Variants in TNR observed in about 807,000 individuals in gnomAD.
TNR encodes tenascin-R.
A neutral mutation model predicts 150.4 loss-of-function variants in TNR; 45 were observed. The ratio of observed to expected loss-of-function variants is 0.30; its 90% confidence interval spans 0.24 to 0.38. TNR has a LOEUF of 0.38. TNR is among the 10% of genes least tolerant of loss of function. The pLI, the probability that TNR is intolerant of heterozygous loss-of-function variation, is 1.00. For synonymous variants in TNR, 687 were observed against 678.4 expected, an observed-to-expected ratio of 1.01 and a Z score of -0.20; for missense variants, 1,544 against 1,759.1, an observed-to-expected ratio of 0.88 and a Z score of 2.19.
At chr1:175,454,883 A>T (rs859454) in intron 2 of TNR, among the ~76,000 whole-genome samples, 104,218 of 152,000 alleles carry the variant, frequency 0.69, 36,973 homozygotes, top group African/African-American at 0.87. Context: ...TATGGCTACA[A>T]GTTCTTTTCT....
At chr1:175,508,861 A>G (rs1016962276) in intron 2 of TNR, among the ~76,000 whole-genome samples, 1 of 152,204 alleles carries the variant, frequency 6.6e-6, no homozygotes, top group African/African-American at 2.4e-5. Flanking sequence ...TCAACAATAG[A>G]CAATTAATAC....
intron 2 of TNR, among the ~76,000 whole-genome samples, chr1:175,517,003 T>C (rs1257214927): frequency 2.9e-5 from 4 of 137,066 alleles, no homozygotes; most frequent in African/African-American, 1.1e-4. Context: ...AATTAGTACA[T>C]CTGAAAGCTG....
intron 1 of TNR, among the ~76,000 whole-genome samples, chr1:175,712,504 A>G (rs1667045253): frequency 6.6e-6 from 1 of 152,194 alleles, no homozygotes; most frequent in African/African-American, 2.4e-5. Context: ...ACTAGGTAGC[A>G]GGACAAGGCT....
chr1:175,680,078 A>C (rs1665983271), intron 1 of TNR, among the ~76,000 whole-genome samples: 1 of 152,194 alleles, frequency 6.6e-6, no homozygotes, highest in Admixed American at 6.5e-5. Flanking sequence ...TGAAGCCAAC[A>C]ACCACCCAGC....
intron 2 of TNR, among the ~76,000 whole-genome samples, chr1:175,434,146 T>G (rs977253603): frequency 1.3e-5 from 2 of 152,194 alleles, no homozygotes; most frequent in Non-Finnish European, 2.9e-5. Flanking sequence ...TTCGTCCACA[T>G]GCTGGTTTCC....
chr1:175,689,543 T>A (rs560359455), intron 1 of TNR, among the ~76,000 whole-genome samples: 7 of 152,252 alleles, frequency 4.6e-5, no homozygotes, highest in African/African-American at 1.4e-4. Context: ...ATGCGTGTCT[T>A]CCTGGGGTGA....
At chr1:175,622,731 A>G (rs755944647) in intron 1 of TNR, among the ~76,000 whole-genome samples, 5 of 152,240 alleles carry the variant, frequency 3.3e-5, no homozygotes, top group Non-Finnish European at 5.9e-5. Context: ...TCTGATAGTT[A>G]TGGAAGCTAA....
chr1:175,493,841 A>C (rs1571518529), intron 2 of TNR, among the ~76,000 whole-genome samples: 1 of 151,744 alleles, frequency 6.6e-6, no homozygotes, highest in Admixed American at 6.6e-5. Context: ...CACCGACTTG[A>C]AAAAAACGCC....
intron 1 of TNR, among the ~76,000 whole-genome samples, chr1:175,694,574 A>G (rs1666456876): frequency 2.6e-5 from 4 of 152,228 alleles, no homozygotes; most frequent in Admixed American, 2.6e-4. Context: ...GTAACAATAA[A>G]TACCAAAATC....
At chr1:175,730,985 T>C (rs776844208) in intron 1 of TNR, among the ~76,000 whole-genome samples, 15 of 152,198 alleles carry the variant, frequency 9.9e-5, no homozygotes, top group Non-Finnish European at 2.1e-4. Context: ...GCTATTTGAC[T>C]TAAAGGAAGC....
At chr1:175,481,163 G>A (rs75040733) in intron 2 of TNR, among the ~76,000 whole-genome samples, 2,391 of 152,226 alleles carry the variant, frequency 0.016, 27 homozygotes, top group Non-Finnish European at 0.023. Flanking sequence ...ATTCATCCTT[G>A]CACCCTGTGA....
At chr1:175,699,687 G>A (rs900269805) in intron 1 of TNR, among the ~76,000 whole-genome samples, 3 of 152,116 alleles carry the variant, frequency 2.0e-5, no homozygotes, top group Admixed American at 6.5e-5. Flanking sequence ...CTGGGTAGAC[G>A]GAAGGTGGTG....
intron 1 of TNR, among the ~76,000 whole-genome samples, chr1:175,702,875 A>C (rs1666735845): frequency 6.6e-6 from 1 of 152,230 alleles, no homozygotes; most frequent in Admixed American, 6.5e-5. Flanking sequence ...AATCCTTTGG[A>C]TCTGCCTCCA....
intron 1 of TNR, among the ~76,000 whole-genome samples, chr1:175,593,045 T>C (rs550612113): frequency 6.6e-5 from 10 of 152,286 alleles, no homozygotes; most frequent in African/African-American, 2.4e-4. Flanking sequence ...CCATTGCATC[T>C]CTGACTGGGG....
chr1:175,635,259 T>A (rs191437322), intron 1 of TNR, among the ~76,000 whole-genome samples: 8 of 152,366 alleles, frequency 5.3e-5, no homozygotes, highest in Non-Finnish European at 1.2e-4. Flanking sequence ...TTTGAGCAGC[T>A]GGAGCAGCTC....
chr1:175,374,561 G>A (rs1051752687), intron 9 of TNR, among the ~76,000 whole-genome samples: 2 of 152,176 alleles, frequency 1.3e-5, no homozygotes, highest in African/African-American at 4.8e-5. Context: ...TGTGCATGTG[G>A]TGAGTGTGAG....
At chr1:175,597,580 C>G (rs1663058043) in intron 1 of TNR, among the ~76,000 whole-genome samples, 1 of 152,178 alleles carries the variant, frequency 6.6e-6, no homozygotes, top group South Asian at 2.1e-4. Flanking sequence ...TTTTCAGAGG[C>G]CTTCCTTTAC....
At chr1:175,656,326 C>T (rs1049150801) in intron 1 of TNR, among the ~76,000 whole-genome samples, 65 of 152,276 alleles carry the variant, frequency 4.3e-4, no homozygotes, top group African/African-American at 1.5e-3. Flanking sequence ...GCAGGAGAAC[C>T]TCTGCCAGCT....
intron 4 of TNR, among the ~76,000 whole-genome samples, chr1:175,397,269 G>A (rs1435402438): frequency 2.0e-5 from 3 of 152,094 alleles, no homozygotes; most frequent in Admixed American, 1.3e-4. Context: ...TTCTATGATT[G>A]TACTCTACTA....
Sources: allele counts gnomAD v4.1 joint callset (sites outside exome capture counted in the v4.1 genomes callset), GRCh38; gene constraint gnomAD v4.1.1; transcripts MANE v1.5; gene names NCBI Gene and HGNC (gene_info 2026-07-23, HGNC 2026-07-21).